B3GALT1: variants seen among roughly 807,000 people sequenced by gnomAD.
B3GALT1 encodes beta-1,3-galactosyltransferase 1.
In B3GALT1, 10 loss-of-function variants were observed where a neutral mutation model predicts 23.2. That is an observed-to-expected ratio of 0.43 (90% CI 0.27 to 0.73). The LOEUF (loss-of-function observed/expected upper bound fraction) is 0.73. Among genes scored for constraint, B3GALT1 ranks in the 30% least tolerant of loss-of-function variants. B3GALT1 has a pLI of 0.21. For synonymous variants in B3GALT1, 156 were observed against 141.5 expected, an observed-to-expected ratio of 1.10 and a Z score of -0.73; for missense variants, 299 against 405.4, an observed-to-expected ratio of 0.74 and a Z score of 2.25.
chr2:167,489,648 A>G (rs1699677032), intron 1 of B3GALT1, among the ~76,000 whole-genome samples: 1 of 152,110 alleles, frequency 6.6e-6, no homozygotes, highest in Non-Finnish European at 1.5e-5. Flanking sequence ...ATTATTATAG[A>G]CTTGATGGGG....
chr2:167,648,360 C>G (rs1685793374), intron 3 of B3GALT1, among the ~76,000 whole-genome samples: 1 of 151,992 alleles, frequency 6.6e-6, no homozygotes. Flanking sequence ...TTCTGTACAA[C>G]ATAAACTATT....
chr2:167,377,973 A>G (rs1697790981), intron 1 of B3GALT1, among the ~76,000 whole-genome samples: 1 of 152,106 alleles, frequency 6.6e-6, no homozygotes, highest in South Asian at 2.1e-4. Context: ...TTTGGTTTCC[A>G]TGTTTAAAAC....
At chr2:167,346,527 A>G (rs1343198690) in intron 1 of B3GALT1, among the ~76,000 whole-genome samples, 1 of 152,194 alleles carries the variant, frequency 6.6e-6, no homozygotes, top group Non-Finnish European at 1.5e-5. Context: ...ATAAGAATTA[A>G]TGCAAAGTTA....
intron 1 of B3GALT1, among the ~76,000 whole-genome samples, chr2:167,366,549 A>G (rs1236729003): frequency 6.6e-6 from 1 of 152,158 alleles, no homozygotes; most frequent in Non-Finnish European, 1.5e-5. Context: ...GATAACCATG[A>G]GTCATTAGAG....
At chr2:167,529,604 C>T (rs1000938326) in intron 2 of B3GALT1, among the ~76,000 whole-genome samples, 1 of 151,440 alleles carries the variant, frequency 6.6e-6, no homozygotes, top group African/African-American at 2.4e-5. Flanking sequence ...ACATGAGCAC[C>T]ACCGTCAGCT....
intron 2 of B3GALT1, among the ~76,000 whole-genome samples, chr2:167,512,607 T>C (rs190838223): frequency 0.15 from 11,496 of 79,022 alleles, 1,134 homozygotes; most frequent in East Asian, 0.25. Flanking sequence ...TATATATATA[T>C]GTATATATAT....
At chr2:167,526,186 AAC>A (rs143744265) in intron 2 of B3GALT1, among the ~76,000 whole-genome samples, 5,809 of 149,774 alleles carry the variant, frequency 0.039, 211 homozygotes, top group African/African-American at 0.095. Context: ...AGAGTTAGGT[AAC>A]ACACACACAC....
intron 1 of B3GALT1, among the ~76,000 whole-genome samples, chr2:167,468,543 C>T (rs745353792): frequency 1.3e-5 from 2 of 151,890 alleles, no homozygotes; most frequent in Non-Finnish European, 2.9e-5. Context: ...TGAATTTTTC[C>T]AACTTGACAA....
At chr2:167,803,721 G>C (rs1259738568) in intron 3 of B3GALT1, among the ~76,000 whole-genome samples, 1 of 152,034 alleles carries the variant, frequency 6.6e-6, no homozygotes, top group Non-Finnish European at 1.5e-5. Flanking sequence ...ATAAATGAAA[G>C]AACATTCAGT....
intron 3 of B3GALT1, among the ~76,000 whole-genome samples, chr2:167,799,701 C>CGAA (rs1189306658): frequency 2.0e-5 from 3 of 152,130 alleles, no homozygotes; most frequent in Non-Finnish European, 2.9e-5. Context: ...AGAAGTCATG[C>CGAA]TTTCTAGAGC....
intron 1 of B3GALT1, among the ~76,000 whole-genome samples, chr2:167,431,216 T>C (rs1698700238): frequency 6.6e-6 from 1 of 152,188 alleles, no homozygotes; most frequent in African/African-American, 2.4e-5. Context: ...AGATTTAATA[T>C]TTTCCTCAGA....
At chr2:167,716,732 T>C (rs572369875) in intron 3 of B3GALT1, among the ~76,000 whole-genome samples, 1 of 152,346 alleles carries the variant, frequency 6.6e-6, no homozygotes, top group South Asian at 2.1e-4. Flanking sequence ...TATCAATTCT[T>C]GTTTCTCTGC....
At chr2:167,744,128 A>G (rs1341925735) in intron 3 of B3GALT1, among the ~76,000 whole-genome samples, 1 of 152,176 alleles carries the variant, frequency 6.6e-6, no homozygotes, top group East Asian at 1.9e-4. Flanking sequence ...AAAATGGCCT[A>G]TGAGTACCAA....
At chr2:167,781,947 T>A (rs1485405466) in intron 3 of B3GALT1, among the ~76,000 whole-genome samples, 1 of 152,160 alleles carries the variant, frequency 6.6e-6, no homozygotes, top group Non-Finnish European at 1.5e-5. Flanking sequence ...TTCACCATGT[T>A]GGTCAGGCTC....
rs558532816 is a variant in B3GALT1, at chr2:167,586,011, G to C, written c.-409-60898G>C. The stretch of plus-strand genomic sequence containing the variant: ...TGCCCTTTGGAGGGCTTAATACCTA[G>C]GGCAGCACAAGTCAAGTGTCTAGGT... On this transcript the variant is annotated intron_variant, in intron 2 of 4. Transcript: ENST00000392690. 2.5e-4 allele frequency among the ~76,000 whole-genome samples: 38 copies of C among 152,308 alleles called. No homozygotes were observed. In the South Asian group the frequency reaches 7.0e-3, roughly 28 times the overall value.
intron 2 of B3GALT1, among the ~76,000 whole-genome samples, chr2:167,634,377 C>G (rs1032159166): frequency 6.6e-6 from 1 of 151,886 alleles, no homozygotes; most frequent in African/African-American, 2.4e-5. Context: ...GATAGAGACA[C>G]GAAAAACCCT....
intron 4 of B3GALT1, among the ~76,000 whole-genome samples, chr2:167,838,195 A>G (rs536334261): frequency 6.7e-6 from 1 of 149,878 alleles, no homozygotes; most frequent in East Asian, 2.0e-4. Flanking sequence ...ACTGAAGGAA[A>G]TAGAGACACA....
intron 2 of B3GALT1, among the ~76,000 whole-genome samples, chr2:167,523,015 C>T (rs546523490): frequency 2.0e-5 from 3 of 152,250 alleles, no homozygotes; most frequent in African/African-American, 7.2e-5. Flanking sequence ...CAGTGATTTT[C>T]ATGTTGGTGA....
intron 3 of B3GALT1, among the ~76,000 whole-genome samples, chr2:167,736,368 AAGT>A (rs1302955856): frequency 6.6e-6 from 1 of 152,180 alleles, no homozygotes; most frequent in Non-Finnish European, 1.5e-5. Flanking sequence ...CATGTCTGGG[AAGT>A]ATTCATCAAC....
Sources: gnomAD v4.1 joint callset for allele counts (sites outside exome capture counted in the v4.1 genomes callset) on GRCh38, gnomAD v4.1.1 for gene constraint, MANE v1.5 for transcripts, NCBI Gene and HGNC (gene_info 2026-07-23, HGNC 2026-07-21) for gene names.